The following PLCB1 variants were observed in gnomAD, a reference collection of about 807,000 sequenced individuals.
The protein encoded by PLCB1 is phospholipase C beta 1, also known as 1-phosphatidylinositol 4,5-bisphosphate phosphodiesterase beta-1.
PLCB1 carries 46 observed loss-of-function variants against 161.8 expected under a neutral mutation model. That is an observed-to-expected ratio of 0.28 (90% CI 0.22 to 0.36). PLCB1 has a LOEUF of 0.36. Among genes scored for constraint, PLCB1 ranks in the 10% least tolerant of loss-of-function variants. The pLI, the probability that PLCB1 is intolerant of heterozygous loss-of-function variation, is 1.00. For synonymous variants in PLCB1, 517 were observed against 503.7 expected (o/e 1.03, Z -0.35); for missense variants, 1,016 against 1,472.5 (o/e 0.69, Z 5.07).
At chr20:8,465,631 T>C (rs1981784892) in intron 3 of PLCB1, among the ~76,000 whole-genome samples, 1 of 152,136 alleles carries the variant, frequency 6.6e-6, no homozygotes, top group Non-Finnish European at 1.5e-5. Flanking sequence ...AGTGTTAATG[T>C]CTCTTCAGAG....
At chr20:8,272,796 T>A (rs1009808299) in intron 2 of PLCB1, among the ~76,000 whole-genome samples, 35 of 152,146 alleles carry the variant, frequency 2.3e-4, no homozygotes, top group Non-Finnish European at 7.4e-5. Flanking sequence ...ATAAAAAATA[T>A]TGAAGTCCCT....
chr20:8,265,340 T>G (rs1981903788), intron 2 of PLCB1, among the ~76,000 whole-genome samples: 3 of 152,218 alleles, frequency 2.0e-5, no homozygotes, highest in Admixed American at 2.0e-4. Flanking sequence ...TTGAATTGTC[T>G]AATTCAGGGC....
intron 2 of PLCB1, among the ~76,000 whole-genome samples, chr20:8,162,756 A>G (rs568192180): frequency 6.6e-6 from 1 of 152,228 alleles, no homozygotes; most frequent in Non-Finnish European, 1.5e-5. Flanking sequence ...GAAAAGTTTT[A>G]TGGGACAGAG....
At chr20:8,748,822 GC>G (rs751064682) in intron 23 of PLCB1, among the ~76,000 whole-genome samples, 68 of 152,322 alleles carry the variant, frequency 4.5e-4, no homozygotes, top group Non-Finnish European at 7.8e-4. Flanking sequence ...AGCTGTTCTT[GC>G]CACAGGGGGA....
chr20:8,878,856 T>G (rs372521625), intron 31 of PLCB1, among the ~76,000 whole-genome samples: 9 of 152,196 alleles, frequency 5.9e-5, no homozygotes, highest in East Asian at 1.9e-4. Flanking sequence ...GTGTAACATA[T>G]ATGTATGAGT....
chr20:8,297,357 G>GA (rs756953706), intron 2 of PLCB1, among the ~76,000 whole-genome samples: 18 of 151,850 alleles, frequency 1.2e-4, no homozygotes, highest in Non-Finnish European at 2.2e-4. Flanking sequence ...CATTTCTGTA[G>GA]AAAAAATGAA....
chr20:8,307,441 C>T (rs563366304), intron 2 of PLCB1, among the ~76,000 whole-genome samples: 5 of 152,238 alleles, frequency 3.3e-5, no homozygotes, highest in South Asian at 4.2e-4. Context: ...AATAATCTGT[C>T]GACGACCTGA....
chr20:8,312,619 C>T (rs1376640290), intron 2 of PLCB1, among the ~76,000 whole-genome samples: 2 of 152,126 alleles, frequency 1.3e-5, no homozygotes, highest in African/African-American at 2.4e-5. Flanking sequence ...AGGAATGACC[C>T]TCCCACATAG....
chr20:8,535,436 T>C (rs752773633), intron 3 of PLCB1, among the ~76,000 whole-genome samples: 5 of 152,150 alleles, frequency 3.3e-5, no homozygotes, highest in Non-Finnish European at 7.3e-5. Flanking sequence ...GCCATTCCCT[T>C]TAACATAGTA....
At chr20:8,450,621 GAGTA>G in intron 3 of PLCB1, among the ~76,000 whole-genome samples, 1 of 152,070 alleles carries the variant, frequency 6.6e-6, no homozygotes, top group East Asian at 1.9e-4. Context: ...CAGAGTACTG[GAGTA>G]AGTAATATAT....
chr20:8,735,835 A>G (rs1383845411), intron 19 of PLCB1, among the ~76,000 whole-genome samples: 1 of 152,234 alleles, frequency 6.6e-6, no homozygotes, highest in Non-Finnish European at 1.5e-5. Context: ...AATAGAACAT[A>G]CAGGGGAAAT....
In PLCB1 at chr20:8,737,184, T is replaced by C. The variant is rs1400735874; in HGVS notation, c.2200T>C (p.Phe734Leu). ...TGTCTGGGAAGAAGAACCTATTGTG[T>C]TCAAAAAGGTTGGTCACATGTTCTT... is the stretch of plus-strand genomic sequence containing the variant. ...NPVWEEEPIV[F>L]KKVVLPTLAC... is the part of the protein sequence containing the mutation. Residue 734 changes from phenylalanine to leucine, a missense_variant, in exon 20 of 32, where the codon TTC becomes CTC. By Grantham distance (22) the Phe-to-Leu change is conservative. This residue lies in a region of PLCB1 where 75 missense variants were observed against 117.0 expected (regional missense o/e 0.64). Transcript: ENST00000338037. 5 of 1,613,102 alleles carry C rather than the reference T, an allele frequency of 3.1e-6. No individual in the cohort carries two copies.
chr20:8,743,960 T>A (rs577115007), intron 23 of PLCB1, among the ~76,000 whole-genome samples: 1 of 152,292 alleles, frequency 6.6e-6, no homozygotes, highest in South Asian at 2.1e-4. Context: ...CTTTACTTAA[T>A]AGCATATTTA....
chr20:8,533,790 G>A (rs1486237210), intron 3 of PLCB1, among the ~76,000 whole-genome samples: 3 of 151,830 alleles, frequency 2.0e-5, no homozygotes, highest in Non-Finnish European at 2.9e-5. Context: ...GTAGGTTGCG[G>A]AAATTTTCTC....
chr20:8,237,959 C>T (rs930351430), intron 2 of PLCB1, among the ~76,000 whole-genome samples: 1 of 152,022 alleles, frequency 6.6e-6, no homozygotes, highest in Non-Finnish European at 1.5e-5. Context: ...TAAAGATGGC[C>T]TTTGAAAGAC....
intron 2 of PLCB1, among the ~76,000 whole-genome samples, chr20:8,168,999 T>C (rs1179482088): frequency 6.6e-6 from 1 of 152,112 alleles, no homozygotes; most frequent in Non-Finnish European, 1.5e-5. Context: ...GTAGATTTTG[T>C]CAATGAAGCA....
intron 3 of PLCB1, among the ~76,000 whole-genome samples, chr20:8,524,667 T>C (rs1417497394): frequency 6.6e-6 from 1 of 152,186 alleles, no homozygotes; most frequent in Non-Finnish European, 1.5e-5. Context: ...AGTGTCAAAC[T>C]GCAGGGTCTC....
intron 3 of PLCB1, chr20:8,600,568 G>GC (rs1254554653): frequency 6.6e-6 from 1 of 150,866 alleles, no homozygotes; most frequent in Admixed American, 6.6e-5. Context: ...TCTGTGCCCT[G>GC]CCCCCAGAGG....
At chr20:8,390,336 A>G (rs1017815083) in intron 3 of PLCB1, among the ~76,000 whole-genome samples, 12 of 152,136 alleles carry the variant, frequency 7.9e-5, no homozygotes, top group Admixed American at 7.2e-4. Flanking sequence ...TCTAATAAGG[A>G]ACAAGTTGTA....
Sources: allele counts gnomAD v4.1 joint callset (sites outside exome capture counted in the v4.1 genomes callset), GRCh38; gene constraint gnomAD v4.1.1; regional missense constraint gnomAD v4.1.1; transcripts MANE v1.5; gene names NCBI Gene and HGNC (gene_info 2026-07-23, HGNC 2026-07-21).